Variants in CHSY1 observed in about 807,000 individuals in gnomAD.
CHSY1 encodes chondroitin sulfate synthase 1.
In CHSY1, 13 loss-of-function variants were observed where a neutral mutation model predicts 59.8. The observed-to-expected ratio is 0.22, with a 90% CI of 0.14 to 0.35. The LOEUF is 0.35. Ranked by LOEUF, CHSY1 falls within the 10% of genes least tolerant of loss-of-function variation. CHSY1 has a pLI of 1.00. For synonymous variants in CHSY1, 459 were observed against 401.2 expected, an observed-to-expected ratio of 1.14 and a Z score of -1.72; for missense variants, 947 against 1,030.6, an observed-to-expected ratio of 0.92 and a Z score of 1.11.
In CHSY1 at chr15:101,178,550, A is replaced by G; in HGVS notation, c.1247T>C (p.Ile416Thr). The change falls in exon 3 of 3, where the codon ATC (isoleucine) becomes ACC (threonine). Residue 416 changes from isoleucine (I) to threonine (T), a missense_variant. Ile to Thr is a moderately conservative substitution (Grantham distance 89). This residue lies in a region of CHSY1 where 602 missense variants were observed against 676.9 expected (regional missense o/e 0.89). Coordinates refer to ENST00000254190, the MANE Select transcript of CHSY1 (RefSeq NM_014918.5). Reference sequence around the variant, plus strand: ...CCCTCTGGTCTTGGCGTTGGCATTGATCATCTCCATGACCTGCATGACAAT... The same window carrying G: ...CCCTCTGGTCTTGGCGTTGGCATTGGTCATCTCCATGACCTGCATGACAAT... ...DDIVMQVMEM[I>T]NANAKTRGRI... is the part of the protein sequence containing the mutation. The G allele has an allele frequency of 1.2e-6, 2 of 1,614,200 alleles. No homozygotes were observed. The highest frequency in any genetic ancestry group is 1.7e-6 in the Non-Finnish European group (2 of 1,180,036).
chr15:101,184,220 G>C (rs893916086), intron 2 of CHSY1, among the ~76,000 whole-genome samples: 2 of 152,214 alleles, frequency 1.3e-5, no homozygotes, highest in Non-Finnish European at 2.9e-5. Flanking sequence ...TACTTTCACA[G>C]AGTGTGTGTG....
chr15:101,197,316 C>T (rs1252161849), intron 2 of CHSY1, among the ~76,000 whole-genome samples: 2 of 152,208 alleles, frequency 1.3e-5, no homozygotes, highest in Admixed American at 1.3e-4. Context: ...TCACGTTAAG[C>T]TTTGGTAACT....
intron 2 of CHSY1, among the ~76,000 whole-genome samples, chr15:101,229,537 C>T (rs1260016731): frequency 6.6e-6 from 1 of 152,038 alleles, no homozygotes; most frequent in Non-Finnish European, 1.5e-5. Context: ...TATATACATC[C>T]CAAAACACAG....
intron 2 of CHSY1, among the ~76,000 whole-genome samples, chr15:101,209,074 CTAAA>C (rs2038657315): frequency 6.6e-6 from 1 of 152,164 alleles, no homozygotes; most frequent in Non-Finnish European, 1.5e-5. Flanking sequence ...ATGACACTCA[CTAAA>C]TATAAAAAGA....
At chr15:101,230,844 C>T (rs1219896076) in intron 2 of CHSY1, among the ~76,000 whole-genome samples, 1 of 152,194 alleles carries the variant, frequency 6.6e-6, no homozygotes, top group Non-Finnish European at 1.5e-5. Flanking sequence ...TTTGTCTCCT[C>T]AACTACTCTG....
At chr15:101,236,129 C>A (rs146637391) in intron 1 of CHSY1, among the ~76,000 whole-genome samples, 1 of 152,182 alleles carries the variant, frequency 6.6e-6, no homozygotes, top group Non-Finnish European at 1.5e-5. Flanking sequence ...AAGGGCAGAG[C>A]ACAGGACATG....
chr15:101,193,886 C>T (rs1440287843), intron 2 of CHSY1, among the ~76,000 whole-genome samples: 1 of 152,216 alleles, frequency 6.6e-6, no homozygotes, highest in Non-Finnish European at 1.5e-5. Flanking sequence ...TCTGACATCA[C>T]TTCTGCTTGG....
Position 101,185,647 on chromosome 15 carries a change from C to T in CHSY1, c.817-6667G>A, listed in dbSNP as rs1022523128. On this transcript the variant is annotated intron_variant, in intron 2 of 2. Coordinates refer to ENST00000254190, the MANE Select transcript of CHSY1 (RefSeq NM_014918.5). ...TGGAATCTTTGCCTCTGTGGCAAGG[C>T]GGCCATTTGTACTGAACTTTTGAAT... Among the ~76,000 whole-genome samples, 8 of 150,140 alleles carry T rather than the reference C, an allele frequency of 5.3e-5. No individual in the cohort carries two copies. The South Asian group carries it at 1.1e-3, about 20-fold the overall frequency.
intron 2 of CHSY1, among the ~76,000 whole-genome samples, chr15:101,234,008 G>A (rs2038915896): frequency 2.0e-5 from 3 of 152,184 alleles, no homozygotes; most frequent in South Asian, 4.1e-4. Flanking sequence ...TCAACCTAAA[G>A]ACAATACAAC....
intron 2 of CHSY1, among the ~76,000 whole-genome samples, chr15:101,217,883 A>G (rs2038750464): frequency 6.6e-6 from 1 of 152,232 alleles, no homozygotes; most frequent in African/African-American, 2.4e-5. Context: ...TGAAGAGCAC[A>G]GTATGTAAAG....
chr15:101,207,529 AT>A (rs1455009028), intron 2 of CHSY1, among the ~76,000 whole-genome samples: 2 of 152,180 alleles, frequency 1.3e-5, no homozygotes, highest in African/African-American at 4.8e-5. Flanking sequence ...GTATCTGTTA[AT>A]TCATCAAACA....
chr15:101,222,790 G>C (rs1022145428), intron 2 of CHSY1, among the ~76,000 whole-genome samples: 3 of 152,262 alleles, frequency 2.0e-5, no homozygotes, highest in Non-Finnish European at 4.4e-5. Flanking sequence ...ATCATGGTGG[G>C]GGGGGTACCT....
intron 2 of CHSY1, among the ~76,000 whole-genome samples, chr15:101,230,640 G>A (rs1284155975): frequency 6.6e-6 from 1 of 152,114 alleles, no homozygotes; most frequent in Non-Finnish European, 1.5e-5. Flanking sequence ...ATTCCTTTAT[G>A]AGACAGACTA....
intron 2 of CHSY1, among the ~76,000 whole-genome samples, chr15:101,218,035 TAC>T (rs765811055): frequency 1.4e-4 from 22 of 152,240 alleles, no homozygotes; most frequent in Non-Finnish European, 2.8e-4. Context: ...ATTTTATCTC[TAC>T]AGTCTTCCCC....
intron 2 of CHSY1, among the ~76,000 whole-genome samples, chr15:101,181,963 TAGAGA>T (rs2038286447): frequency 1.3e-5 from 2 of 152,174 alleles, no homozygotes; most frequent in South Asian, 2.1e-4. Flanking sequence ...TAAAGGAAGC[TAGAGA>T]AAAGAAAATG....
chr15:101,182,807 A>C (rs533225209), intron 2 of CHSY1, among the ~76,000 whole-genome samples: 1 of 152,246 alleles, frequency 6.6e-6, no homozygotes, highest in African/African-American at 2.4e-5. Flanking sequence ...TCTGCTACAC[A>C]GCTCCTGGTC....
chr15:101,186,525 T>A (rs544979262), intron 2 of CHSY1, among the ~76,000 whole-genome samples: 1 of 152,296 alleles, frequency 6.6e-6, no homozygotes, highest in African/African-American at 2.4e-5. Context: ...ATGACTGGGC[T>A]GGGCAAGGTG....
At chr15:101,187,087 C>T (rs2038379590) in intron 2 of CHSY1, among the ~76,000 whole-genome samples, 1 of 152,226 alleles carries the variant, frequency 6.6e-6, no homozygotes, top group Non-Finnish European at 1.5e-5. Flanking sequence ...TCCTGTGAAA[C>T]TTAATCTCCA....
intron 2 of CHSY1, among the ~76,000 whole-genome samples, chr15:101,212,825 T>G (rs779751959): frequency 1.4e-4 from 22 of 152,196 alleles, no homozygotes; most frequent in Non-Finnish European, 2.9e-4. Flanking sequence ...TAGAAAACAC[T>G]TGAAGGAAAG....
Sources: allele counts gnomAD v4.1 joint callset (sites outside exome capture counted in the v4.1 genomes callset), GRCh38; gene constraint gnomAD v4.1.1; regional missense constraint gnomAD v4.1.1; transcripts MANE v1.5; gene names NCBI Gene and HGNC (gene_info 2026-07-23, HGNC 2026-07-21).